ABCA12: variants seen among roughly 807,000 people sequenced by gnomAD.
ABCA12 encodes the protein ATP binding cassette subfamily A member 12, also known as glucosylceramide transporter ABCA12.
In ABCA12, 156 loss-of-function variants were observed where a neutral mutation model predicts 293.5. That is an observed-to-expected ratio of 0.53 (90% CI 0.47 to 0.61). The LOEUF (loss-of-function observed/expected upper bound fraction) is 0.61, where lower values mean the gene tolerates loss of function less well. ABCA12 is among the 20% of genes least tolerant of loss of function. ABCA12 has a pLI of 0.00. For synonymous variants in ABCA12, 1,063 were observed against 1,108.0 expected (o/e 0.96, Z 0.81); for missense variants, 2,797 against 3,090.2 (o/e 0.91, Z 2.25).
chr2:215,111,500 A>C, intron 2 of ABCA12, 97 bp downstream of exon 2: 1 of 909,766 alleles, frequency 1.1e-6, no homozygotes. Flanking sequence ...AACACTATAC[A>C]AAAAAAAATT....
At position 215,016,605 on chromosome 2, in the gene ABCA12, A is replaced by AAAG. The variant is rs772770354; in HGVS notation, c.1783-943_1783-942insCTT. The stretch of plus-strand genomic sequence containing the variant: ...CTCAAAAAAAAAAAAAAAAAAAAAA[A>AAAG]AAAAAAAAAGACTTTGCTCCCTTTA... On this transcript the variant is annotated intron_variant, in intron 14 of 52. Transcript: ENST00000272895. 4.3e-3 allele frequency among the ~76,000 whole-genome samples: 602 copies of AAAG among 139,254 alleles called. 19 individuals are homozygous for AAAG. The highest frequency in any genetic ancestry group is 0.015 in the African/African-American group (554 of 36,310). The allele number at this position is 139,254 out of a possible 152,430, so 91.4% of individuals were successfully genotyped here.
chr2:214,968,851 A>G (rs1553521776), intron 37 of ABCA12, 44 bp from the exon 38 acceptor site: 9 of 1,547,490 alleles, frequency 5.8e-6, no homozygotes, highest in Non-Finnish European at 8.0e-6. Flanking sequence ...AGTGGAGAAA[A>G]TCTTCTTAAA....
chr2:214,957,436 A>G (rs1179430398), intron 41 of ABCA12, among the ~76,000 whole-genome samples: 2 of 152,234 alleles, frequency 1.3e-5, no homozygotes, highest in African/African-American at 4.8e-5. Context: ...AGTACTAAGT[A>G]GACCTTCACA....
intron 1 of ABCA12, among the ~76,000 whole-genome samples, chr2:215,127,008 T>C (rs986313577): frequency 9.9e-5 from 15 of 152,128 alleles, no homozygotes; most frequent in African/African-American, 3.4e-4. Context: ...TGTTGTTGAG[T>C]TCGAAGAATT....
At chr2:215,079,977 T>C (rs760099710) in intron 2 of ABCA12, among the ~76,000 whole-genome samples, 6 of 152,328 alleles carry the variant, frequency 3.9e-5, no homozygotes, top group East Asian at 3.9e-4. Flanking sequence ...TGTTTCCCTA[T>C]ATGTGGCATG....
Position 215,138,253 on chromosome 2 carries a change from T to C in ABCA12, c.-45A>G, listed in dbSNP as rs1703274346. 6.2e-7 allele frequency: 1 copy of C among 1,601,884 alleles called. No homozygotes were observed. Among genetic ancestry groups the C allele is most frequent in the Non-Finnish European group, 8.6e-7 (1 of 1,169,130 alleles). On this transcript the variant is annotated 5_prime_UTR_variant, in exon 1 of 53. Coordinates refer to ENST00000272895, the MANE Select transcript of ABCA12 (RefSeq NM_173076.3). ...AGAGATTTCCTCTTCTTTTCTCCAC[T>C]CCACAAATGAAGAACTGATGCCCCG...
At chr2:215,059,567 T>C (rs1233100260) in intron 3 of ABCA12, among the ~76,000 whole-genome samples, 1 of 152,038 alleles carries the variant, frequency 6.6e-6, no homozygotes, top group East Asian at 1.9e-4. Context: ...GGGTTTTTTA[T>C]ATTCTTAGGA....
intron 2 of ABCA12, among the ~76,000 whole-genome samples, chr2:215,108,878 C>A (rs1299069247): frequency 1.3e-5 from 2 of 152,004 alleles, no homozygotes; most frequent in Non-Finnish European, 2.9e-5. Context: ...ACCAGCCTGG[C>A]CAAGATGGTG....
chr2:215,086,979 G>C (rs542760693), intron 2 of ABCA12, among the ~76,000 whole-genome samples: 1 of 150,978 alleles, frequency 6.6e-6, no homozygotes, highest in Non-Finnish European at 1.5e-5. Context: ...TGTGGCTCTT[G>C]TTGCCCAGGC....
intron 1 of ABCA12, among the ~76,000 whole-genome samples, chr2:215,132,008 G>C (rs564715559): frequency 3.9e-4 from 59 of 151,948 alleles, no homozygotes; most frequent in African/African-American, 1.4e-3. Flanking sequence ...AGCTGTTCAG[G>C]AGAAAGTTGT....
intron 9 of ABCA12, among the ~76,000 whole-genome samples, chr2:215,027,648 C>T (rs540535432): frequency 2.6e-5 from 4 of 152,192 alleles, no homozygotes; most frequent in East Asian, 1.9e-4. Flanking sequence ...GTACATCCCA[C>T]GAGTCCTGCA....
intron 49 of ABCA12, 40 bp from the exon 50 acceptor site, chr2:214,943,057 A>G: frequency 6.4e-7 from 1 of 1,553,722 alleles, no homozygotes; most frequent in South Asian, 1.1e-5. Context: ...TTCAGGATAC[A>G]GAAAACTTGG....
Position 215,134,251 on chromosome 2 carries a change from T to A in ABCA12, c.69+3889A>T, listed in dbSNP as rs866718812. 2.7e-5 allele frequency among the ~76,000 whole-genome samples: 4 copies of A among 146,944 alleles called. No individual in the cohort carries two copies. In the East Asian group the frequency reaches 7.8e-4, roughly 29 times the overall value. On this transcript the variant is annotated intron_variant, in intron 1 of 52. Coordinates refer to ENST00000272895, the MANE Select transcript of ABCA12 (RefSeq NM_173076.3). The stretch of plus-strand genomic sequence containing the variant: ...ATATATATATGTATATGTGTATATA[T>A]GTATATATGTACATATATACGTATA...
chr2:215,003,338 C>T (rs1165398552), intron 20 of ABCA12, among the ~76,000 whole-genome samples: 1 of 152,170 alleles, frequency 6.6e-6, no homozygotes, highest in Non-Finnish European at 1.5e-5. Context: ...CTTTGATCTT[C>T]TGCAGCCTCT....
intron 28 of ABCA12, among the ~76,000 whole-genome samples, chr2:214,985,210 C>G (rs1438494968): frequency 2.0e-5 from 3 of 152,164 alleles, no homozygotes; most frequent in Non-Finnish European, 4.4e-5. Flanking sequence ...TCTTCAAGAG[C>G]CTTCTCTGTT....
chr2:215,019,773 G>A lies in ABCA12; in HGVS notation c.1311C>T (p.Thr437=), dbSNP rs368693704. The A allele has an allele frequency of 1.9e-5, 31 of 1,613,038 alleles. No individual in the cohort carries two copies. Among genetic ancestry groups the A allele is most frequent in the South Asian group, 6.6e-5 (6 of 91,060 alleles). ...AAGTTTCAGATTCACAAAGAAGTTC[G>A]GTCAAGTTTCGAAGTTGAGACAGCT... The part of the protein sequence containing the change: ...KSKLSQLRNL[T]ELLCESETFS... Residue 437 remains threonine (T), a synonymous_variant, in exon 12 of 53, where the codon ACC becomes ACT. Transcript: ENST00000272895.
chr2:215,134,595 C>A (rs867513763), intron 1 of ABCA12, among the ~76,000 whole-genome samples: 1,447 of 81,476 alleles, frequency 0.018, 209 homozygotes, highest in African/African-American at 0.13. Context: ...CTCTCTCTCT[C>A]TCTCTATATA....
intron 2 of ABCA12, among the ~76,000 whole-genome samples, chr2:215,071,943 G>T (rs892371885): frequency 1.3e-5 from 2 of 152,198 alleles, no homozygotes; most frequent in Non-Finnish European, 2.9e-5. Flanking sequence ...ATTACTGTGT[G>T]CTCAGTGGGT....
chr2:215,071,650 G>T (rs1200160301), intron 2 of ABCA12, among the ~76,000 whole-genome samples: 1 of 152,186 alleles, frequency 6.6e-6, no homozygotes, highest in African/African-American at 2.4e-5. Flanking sequence ...AATGGATTTT[G>T]CCATCTCACA....
Sources: gnomAD v4.1 joint callset for allele counts (sites outside exome capture counted in the v4.1 genomes callset) on GRCh38, gnomAD v4.1.1 for gene constraint, MANE v1.5 for transcripts, NCBI Gene and HGNC (gene_info 2026-07-23, HGNC 2026-07-21) for gene names.